CDC42SE2: variants seen among roughly 807,000 people sequenced by gnomAD.
CDC42SE2 encodes CDC42 small effector protein 2.
In CDC42SE2, 3 loss-of-function variants were observed where a neutral mutation model predicts 11.5. That is an observed-to-expected ratio of 0.26 (90% CI 0.12 to 0.67). The LOEUF (loss-of-function observed/expected upper bound fraction) is 0.67, where lower values mean the gene tolerates loss of function less well. Among genes scored for constraint, CDC42SE2 ranks in the 30% least tolerant of loss-of-function variants. CDC42SE2 has a pLI of 0.80. For missense variants in CDC42SE2, 82 were observed against 106.8 expected (o/e 0.77, Z 1.02); for synonymous variants, 33 against 34.8 (o/e 0.95, Z 0.18).
chr5:131,217,572 T>C, the CDC42SE2 span, among the ~76,000 whole-genome samples: 1 of 152,190 alleles, frequency 6.6e-6, no homozygotes, highest in African/African-American at 2.4e-5. Flanking sequence ...AAAATCCATT[T>C]TGAATGGTAT....
chr5:131,232,407 A>G, the CDC42SE2 span, among the ~76,000 whole-genome samples: 1 of 151,804 alleles, frequency 6.6e-6, no homozygotes, highest in East Asian at 1.9e-4. Context: ...GAACCACCAC[A>G]CCCTGCCTAT....
the CDC42SE2 span, among the ~76,000 whole-genome samples, chr5:131,226,987 T>G: frequency 6.6e-6 from 1 of 152,206 alleles, no homozygotes; most frequent in Non-Finnish European, 1.5e-5. Flanking sequence ...ACTAATATGA[T>G]TCTAGCTACA....
In CDC42SE2 at chr5:131,317,107, G is replaced by T. The variant is rs994453127; in HGVS notation, c.-286+963G>T. Among the ~76,000 whole-genome samples the T allele has an allele frequency of 6.6e-5, 10 of 151,930 alleles. No homozygotes were observed. The South Asian group carries it at 2.1e-3, about 32-fold the overall frequency. On this transcript the variant is annotated intron_variant, in intron 2 of 4. Coordinates refer to ENST00000505065, the MANE Select transcript of CDC42SE2 (RefSeq NM_001375635.1). ...ATCCGTAGAATCTAATAATTACAGA[G>T]ATTTTTTTTTTTAAATTCACATCCT... is the stretch of plus-strand genomic sequence containing the variant.
At chr5:131,338,071 C>T (rs1758619497) in intron 2 of CDC42SE2, among the ~76,000 whole-genome samples, 1 of 152,208 alleles carries the variant, frequency 6.6e-6, no homozygotes, top group South Asian at 2.1e-4. Flanking sequence ...CAGACTGGAG[C>T]TGTTCCTATT....
the CDC42SE2 span, among the ~76,000 whole-genome samples, chr5:131,216,315 A>G: frequency 6.6e-6 from 1 of 152,096 alleles, no homozygotes; most frequent in East Asian, 1.9e-4. Context: ...TGGGCAGTAT[A>G]GAGAGACCTG....
At chr5:131,244,678 C>T (rs1346997912), upstream of CDC42SE2, among the ~76,000 whole-genome samples, 1 of 151,916 alleles carries the variant, frequency 6.6e-6, no homozygotes, top group Non-Finnish European at 1.5e-5. Flanking sequence ...GCCACAGTAC[C>T]GCAGCCTGGG....
intron 4 of CDC42SE2, among the ~76,000 whole-genome samples, chr5:131,387,090 T>G (rs759996974): frequency 1.3e-5 from 2 of 152,208 alleles, no homozygotes; most frequent in Non-Finnish European, 2.9e-5. Context: ...TAGTTTTGTT[T>G]CCTGCATCAA....
At chr5:131,308,505 G>T (rs1435966155) in intron 1 of CDC42SE2, among the ~76,000 whole-genome samples, 32 of 151,804 alleles carry the variant, frequency 2.1e-4, no homozygotes, top group Admixed American at 2.1e-3. Context: ...GCTTGATGGG[G>T]ATGGCATTGA....
At chr5:131,307,882 C>T (rs920837659) in intron 1 of CDC42SE2, among the ~76,000 whole-genome samples, 9 of 152,186 alleles carry the variant, frequency 5.9e-5, no homozygotes, top group East Asian at 1.9e-4. Context: ...AAAGTGTCTG[C>T]TCATATCCTT....
intron 1 of CDC42SE2, among the ~76,000 whole-genome samples, chr5:131,311,432 C>T (rs1370704536): frequency 6.6e-6 from 1 of 151,548 alleles, no homozygotes; most frequent in Admixed American, 6.6e-5. Flanking sequence ...TGGAGTTGCT[C>T]TTCTCAAGGA....
upstream of CDC42SE2, among the ~76,000 whole-genome samples, chr5:131,241,730 C>A (rs116384174): frequency 0.017 from 2,578 of 152,054 alleles, 66 homozygotes; most frequent in African/African-American, 0.057. Context: ...TACACAAACA[C>A]TCAAACTCTC....
At chr5:131,267,292 C>T (rs560357475) in intron 1 of CDC42SE2, among the ~76,000 whole-genome samples, 6 of 151,854 alleles carry the variant, frequency 4.0e-5, no homozygotes, top group African/African-American at 7.2e-5. Context: ...CTCTTGACCT[C>T]GTGATCTGCC....
the CDC42SE2 span, among the ~76,000 whole-genome samples, chr5:131,236,507 G>A: frequency 1.3e-5 from 2 of 151,916 alleles, no homozygotes; most frequent in Non-Finnish European, 2.9e-5. Flanking sequence ...GCTCACTGCA[G>A]TCTCCGCTTC....
intron 1 of CDC42SE2, among the ~76,000 whole-genome samples, chr5:131,289,480 G>T (rs1298377006): frequency 6.6e-6 from 1 of 152,118 alleles, no homozygotes; most frequent in Non-Finnish European, 1.5e-5. Flanking sequence ...AGACCATCCT[G>T]GCGAACATGG....
chr5:131,281,646 A>T (rs1010184570), intron 1 of CDC42SE2, among the ~76,000 whole-genome samples: 1 of 152,210 alleles, frequency 6.6e-6, no homozygotes, highest in African/African-American at 2.4e-5. Context: ...TACTCTGAAG[A>T]AGTTTAGAAA....
At chr5:131,339,977 A>G (rs1176648594) in intron 2 of CDC42SE2, among the ~76,000 whole-genome samples, 3 of 152,202 alleles carry the variant, frequency 2.0e-5, no homozygotes, top group Admixed American at 6.5e-5. Flanking sequence ...TACGAAGACA[A>G]TCTTCAAAAC....
chr5:131,241,361 G>A (rs1756539667), upstream of CDC42SE2, among the ~76,000 whole-genome samples: 1 of 151,898 alleles, frequency 6.6e-6, no homozygotes, highest in Non-Finnish European at 1.5e-5. Context: ...GAACCTATCC[G>A]GGCATTATTC....
intron 3 of CDC42SE2, among the ~76,000 whole-genome samples, chr5:131,379,134 A>C (rs1458127763): frequency 2.0e-5 from 3 of 152,182 alleles, no homozygotes; most frequent in African/African-American, 7.2e-5. Flanking sequence ...TCAACCTTTC[A>C]TTTACTTTGG....
At chr5:131,279,074 C>G (rs1029508617) in intron 1 of CDC42SE2, among the ~76,000 whole-genome samples, 1 of 151,890 alleles carries the variant, frequency 6.6e-6, no homozygotes, top group African/African-American at 2.4e-5. Flanking sequence ...CGTAAGCCAC[C>G]ACACCTGGTG....
Sources: allele counts gnomAD v4.1 joint callset (sites outside exome capture counted in the v4.1 genomes callset), GRCh38; gene constraint gnomAD v4.1.1; transcripts MANE v1.5; gene names NCBI Gene and HGNC (gene_info 2026-07-23, HGNC 2026-07-21).